The following MVB12B variants were observed in gnomAD, a reference collection of about 807,000 sequenced individuals.
MVB12B encodes multivesicular body subunit 12B.
A neutral mutation model predicts 41.6 loss-of-function variants in MVB12B; 16 were observed. That is an observed-to-expected ratio of 0.38 (90% CI 0.26 to 0.58). MVB12B has a LOEUF of 0.58. Ranked by LOEUF, MVB12B falls within the 20% of genes least tolerant of loss-of-function variation. The probability of loss-of-function intolerance (pLI) is 0.62; values close to 1 mark genes in which losing one functional copy is unlikely to be tolerated. For missense variants in MVB12B, 274 were observed against 380.2 expected, an observed-to-expected ratio of 0.72 and a Z score of 2.32; for synonymous variants, 133 against 139.7, an observed-to-expected ratio of 0.95 and a Z score of 0.34.
At chr9:126,342,032 C>T (rs1400806188) in intron 2 of MVB12B, among the ~76,000 whole-genome samples, 1 of 152,256 alleles carries the variant, frequency 6.6e-6, no homozygotes, top group Admixed American at 6.5e-5. Flanking sequence ...TGCTGCTTGA[C>T]TTCAAAGTGT....
intron 9 of MVB12B, among the ~76,000 whole-genome samples, chr9:126,495,180 A>C (rs1833804571): frequency 8.2e-6 from 1 of 122,600 alleles, no homozygotes; most frequent in South Asian, 3.3e-4. Flanking sequence ...TAACAGAGTG[A>C]GATCCTGTCT....
At chr9:126,342,238 G>T (rs746422184) in intron 2 of MVB12B, among the ~76,000 whole-genome samples, 23 of 152,172 alleles carry the variant, frequency 1.5e-4, no homozygotes, top group Non-Finnish European at 3.1e-4. Flanking sequence ...GGGCTCAGGG[G>T]TCGCTCTCCT....
rs1830968539 is a variant in MVB12B at position 126,391,960 on chromosome 9, C to A, written c.410-106C>A. 5.3e-6 allele frequency: 7 copies of A among 1,332,044 alleles called. No individual in the cohort carries two copies. The highest frequency in any genetic ancestry group is 1.8e-5 in the Admixed American group (1 of 56,568). The allele number at this position is 1,332,044 out of a possible 1,614,324, so 82.5% of individuals were successfully genotyped here. On this transcript the variant is annotated intron_variant, in intron 4 of 9. Transcript: ENST00000361171. This position sits in a 1 kb window ranked among gnomAD's most constrained non-coding sequence, Gnocchi z 4.4. The stretch of plus-strand genomic sequence containing the variant: ...TCTGTCCAGCAGCTTAGGTGACCTG[C>A]CACTTCTGCTGCCAGGAATAGGGCG...
At chr9:126,441,030 A>G (rs1832625456) in intron 7 of MVB12B, among the ~76,000 whole-genome samples, 1 of 152,250 alleles carries the variant, frequency 6.6e-6, no homozygotes, top group Non-Finnish European at 1.5e-5. Flanking sequence ...CCTGCCAACT[A>G]GGCCTCGCTG....
At chr9:126,479,669 G>C (rs1537988) in intron 7 of MVB12B, among the ~76,000 whole-genome samples, 31,741 of 152,142 alleles carry the variant, frequency 0.21, 3,824 homozygotes, top group South Asian at 0.28. Context: ...ATGGGAGAAG[G>C]CCTCTGACCA....
chr9:126,442,831 GC>G (rs1378887498), intron 7 of MVB12B, among the ~76,000 whole-genome samples: 1 of 152,186 alleles, frequency 6.6e-6, no homozygotes, highest in Non-Finnish European at 1.5e-5. Context: ...CCCCCAATGT[GC>G]CTTTCACACG....
chr9:126,350,606 C>CGAG (rs1341114722), intron 2 of MVB12B, among the ~76,000 whole-genome samples: 2 of 152,130 alleles, frequency 1.3e-5, no homozygotes, highest in African/African-American at 4.8e-5. Flanking sequence ...CATCTCATGG[C>CGAG]GAGGAGACTC....
At chr9:126,330,290 G>T (rs1486045178) in intron 1 of MVB12B, among the ~76,000 whole-genome samples, 1 of 136,168 alleles carries the variant, frequency 7.3e-6, no homozygotes, top group Non-Finnish European at 1.6e-5. Flanking sequence ...ACATGAGTTT[G>T]TTCTTTCTTT....
chr9:126,458,232 A>G (rs1236174568), intron 7 of MVB12B, among the ~76,000 whole-genome samples: 1 of 152,190 alleles, frequency 6.6e-6, no homozygotes, highest in Non-Finnish European at 1.5e-5. Context: ...CAAGCGGGTA[A>G]ACGTCTCTGT....
At chr9:126,375,591 T>C (rs1830460721) in intron 2 of MVB12B, among the ~76,000 whole-genome samples, 1 of 152,106 alleles carries the variant, frequency 6.6e-6, no homozygotes, top group Non-Finnish European at 1.5e-5. Context: ...TGCTGTGCTG[T>C]GTGGGTTCTG....
At chr9:126,415,990 C>A (rs553672645) in intron 6 of MVB12B, among the ~76,000 whole-genome samples, 2 of 152,264 alleles carry the variant, frequency 1.3e-5, no homozygotes, top group East Asian at 3.9e-4. Context: ...GCTGGAGGAA[C>A]AAAAGCGGCT....
At chr9:126,467,491 G>A (rs901568836) in intron 7 of MVB12B, among the ~76,000 whole-genome samples, 1 of 152,118 alleles carries the variant, frequency 6.6e-6, no homozygotes, top group Non-Finnish European at 1.5e-5. Flanking sequence ...AATTTGTGGG[G>A]AATACTGTAG....
At chr9:126,410,142 TGTG>T (rs1831592949) in intron 6 of MVB12B, among the ~76,000 whole-genome samples, 1 of 4,158 alleles carries the variant, frequency 2.4e-4, no homozygotes, top group African/African-American at 2.9e-4. Flanking sequence ...GATTTGGTTT[TGTG>T]TGTGTGTGTG....
At chr9:126,450,008 T>C (rs1011991401) in intron 7 of MVB12B, among the ~76,000 whole-genome samples, 3 of 152,212 alleles carry the variant, frequency 2.0e-5, no homozygotes, top group African/African-American at 7.2e-5. Flanking sequence ...ACTCTTAGTT[T>C]TAAGTTGCTG....
chr9:126,372,349 G>A (rs1436409666), intron 2 of MVB12B, among the ~76,000 whole-genome samples: 1 of 152,222 alleles, frequency 6.6e-6, no homozygotes, highest in African/African-American at 2.4e-5. Flanking sequence ...ATGCAAGTTT[G>A]TATGTAGACG....
At chr9:126,477,189 G>A (rs1464965230) in intron 7 of MVB12B, among the ~76,000 whole-genome samples, 1 of 152,096 alleles carries the variant, frequency 6.6e-6, no homozygotes, top group Non-Finnish European at 1.5e-5. Context: ...AGGGCCAGGG[G>A]AGGTGCCATG....
chr9:126,457,505 GA>G (rs2119170736), intron 7 of MVB12B, among the ~76,000 whole-genome samples: 1 of 152,236 alleles, frequency 6.6e-6, no homozygotes, highest in East Asian at 1.9e-4. Context: ...TAGCCACCAT[GA>G]ATGTTATTTT....
chr9:126,457,890 C>T (rs1833015366), intron 7 of MVB12B, among the ~76,000 whole-genome samples: 1 of 152,136 alleles, frequency 6.6e-6, no homozygotes, highest in Non-Finnish European at 1.5e-5. Flanking sequence ...CTGAGAGCCC[C>T]TCTCCACCAA....
In MVB12B at chr9:126,376,107, C is replaced by T. The variant is rs769106996; in HGVS notation, c.205-4957C>T. On this transcript the variant is annotated intron_variant, in intron 2 of 9. Transcript: ENST00000361171. This position sits in a 1 kb window ranked among gnomAD's most constrained non-coding sequence, Gnocchi z 4.1. ...TTGTCTTGACCCTTCAGTTTTCATT[C>T]CTATAATTGATCTCTTCATCTCTGT... Among the ~76,000 whole-genome samples, 1 of 152,278 alleles carries T rather than the reference C, an allele frequency of 6.6e-6. No individual in the cohort carries two copies. The highest frequency in any genetic ancestry group is 1.5e-5 in the Non-Finnish European group (1 of 68,018).
Sources: allele counts gnomAD v4.1 joint callset (sites outside exome capture counted in the v4.1 genomes callset), GRCh38; gene constraint gnomAD v4.1.1; non-coding constraint Gnocchi (gnomAD v3.1); transcripts MANE v1.5; gene names NCBI Gene and HGNC (gene_info 2026-07-23, HGNC 2026-07-21).